PARP9: variants seen among roughly 807,000 people sequenced by gnomAD.
PARP9 encodes protein mono-ADP-ribosyltransferase PARP9.
A neutral mutation model predicts 68.8 loss-of-function variants in PARP9; 48 were observed. The observed-to-expected ratio is 0.70, with a 90% CI of 0.55 to 0.89. PARP9 has a LOEUF of 0.89. PARP9 is among the 40% of genes least tolerant of loss of function. The pLI, the probability that PARP9 is intolerant of heterozygous loss-of-function variation, is 0.00. For missense variants in PARP9, 806 were observed against 969.3 expected, an observed-to-expected ratio of 0.83 and a Z score of 2.24; for synonymous variants, 309 against 333.8, an observed-to-expected ratio of 0.93 and a Z score of 0.81.
intron 8 of PARP9, among the ~76,000 whole-genome samples, chr3:122,539,570 T>TCTTTCTTCCTTCCTTTCTTTCTTTCTTTC: frequency 7.4e-6 from 1 of 135,644 alleles, no homozygotes; most frequent in East Asian, 2.2e-4. Context: ...TTTCTTTCTT[T>TCTTTCTTCCTTCCTTTCTTTCTTTCTTTC]TTTTTTTGAG....
chr3:122,549,241 C>T (rs974412673), intron 6 of PARP9, among the ~76,000 whole-genome samples: 7 of 152,126 alleles, frequency 4.6e-5, no homozygotes, highest in African/African-American at 1.7e-4. Context: ...GTCTCAAACT[C>T]GTGACCTCAG....
rs550875819 is a variant in PARP9 at position 122,533,568 on chromosome 3, G to A, written c.2080+2600C>T. ...TAAAGAATGGGCAACAGGTGAACTC[G>A]TGAGATTATAAATTGTAAGGGCAAG... On this transcript the variant is annotated intron_variant, in intron 10 of 10. Coordinates refer to ENST00000682323, the MANE Select transcript of PARP9 (RefSeq NM_001146105.2). The A allele has an allele frequency of 1.0e-4, 57 of 545,228 alleles. 1 individual carries two copies. The highest frequency in any genetic ancestry group is 9.4e-4 in the Middle Eastern group (1 of 1,064). The allele number at this position is 545,228 out of a possible 1,614,324, so 33.8% of individuals were successfully genotyped here.
chr3:122,536,787 C>G, intron 9 of PARP9, 147 bp downstream of exon 9: 1 of 951,840 alleles, frequency 1.1e-6, no homozygotes, highest in Non-Finnish European at 1.6e-6. Flanking sequence ...CTGCCCTGCC[C>G]TGCTCTCTTT....
At chr3:122,531,620 T>A (rs2077311156) in intron 10 of PARP9, among the ~76,000 whole-genome samples, 1 of 152,126 alleles carries the variant, frequency 6.6e-6, no homozygotes, top group African/African-American at 2.4e-5. Flanking sequence ...TGTATCTATA[T>A]GTTTGTGTTT....
chr3:122,549,496 AC>A (rs2079021034), intron 6 of PARP9, among the ~76,000 whole-genome samples: 1 of 152,176 alleles, frequency 6.6e-6, no homozygotes, highest in African/African-American at 2.4e-5. Context: ...GGAGGAGAAG[AC>A]AGGCCAGGCA....
In PARP9 at chr3:122,550,805, G is replaced by A; in HGVS notation, c.1108-3C>T. 6.2e-7 allele frequency: 1 copy of A among 1,609,452 alleles called. No homozygotes were observed. The highest frequency in any genetic ancestry group is 1.1e-5 in the South Asian group (1 of 90,858). Reference sequence around the variant, plus strand: ...TCCTTCATTGCATGTTTTAATATCTGCAGGAAAACACAAATTTAAGATCAG... The same window carrying A: ...TCCTTCATTGCATGTTTTAATATCTACAGGAAAACACAAATTTAAGATCAG... On this transcript the variant is annotated splice_polypyrimidine_tract_variant and splice_region_variant and intron_variant, in intron 5 of 10. Transcript: ENST00000682323.
chr3:122,528,197 A>G lies in PARP9; in HGVS notation c.*167T>C. The G allele has an allele frequency of 2.4e-6, 2 of 827,676 alleles. No homozygotes were observed. Among genetic ancestry groups the G allele is most frequent in the Non-Finnish European group, 3.7e-6 (2 of 542,886 alleles). The allele number at this position is 827,676 out of a possible 1,614,324, so 51.3% of individuals were successfully genotyped here. A position where few individuals can be genotyped will look rare whatever the true frequency, so the allele number is the denominator to read the frequency against. On this transcript the variant is annotated 3_prime_UTR_variant, in exon 11 of 11. Transcript: ENST00000682323. ...CCCCAACCCCAAGACATAAAGACAG[A>G]TAAAGGCACTAAGATGCTAGTATGT...
Position 122,555,286 on chromosome 3 carries a change from C to T in PARP9, c.885G>A (p.Thr295=), listed in dbSNP as rs1459072509. ...CAAGAGAATAGAAACAAAGACTTAC[C>T]GTCTGCCATTCAATGTGGCCCTGGA... ...QIVQGHIEWQ[T]ADVIVNSVNP... is the part of the protein sequence containing the mutation. Residue 295 remains threonine (T), a splice_region_variant and synonymous_variant, in exon 4 of 11, where the codon ACG becomes ACA. Transcript: ENST00000682323. 23 of 1,601,996 alleles carry T rather than the reference C, an allele frequency of 1.4e-5. No individual in the cohort carries two copies. The highest frequency in any genetic ancestry group is 2.2e-5 in the East Asian group (1 of 44,766).
chr3:122,544,857 C>T (rs541919996), intron 7 of PARP9, among the ~76,000 whole-genome samples: 64 of 152,094 alleles, frequency 4.2e-4, no homozygotes, highest in African/African-American at 1.5e-3. Flanking sequence ...AAAATATGCT[C>T]GGCATCAAAA....
At chr3:122,554,375 A>G (rs1366510857) in intron 4 of PARP9, among the ~76,000 whole-genome samples, 1 of 152,224 alleles carries the variant, frequency 6.6e-6, no homozygotes, top group Non-Finnish European at 1.5e-5. Flanking sequence ...GTTGCTTCAG[A>G]AATGTTGAGA....
Position 122,556,134 on chromosome 3 carries a change from A to T in PARP9, c.50-13T>A. 4.0e-6 allele frequency: 2 copies of T among 497,604 alleles called. No individual in the cohort carries two copies. Among genetic ancestry groups the T allele is most frequent in the Non-Finnish European group, 3.3e-6 (1 of 300,292 alleles). 30.8% of individuals were successfully genotyped at this position (497,604 alleles called of 1,614,324 possible). On this transcript the variant is annotated splice_polypyrimidine_tract_variant and intron_variant, in intron 3 of 10. Coordinates refer to ENST00000682323, the MANE Select transcript of PARP9 (RefSeq NM_001146105.2). ...AGAGCACCAGTCTCTGGAAAAGAAGAGAAGATTAAAAAAAAAAAAAAAAAA... is the reference window on the plus strand; with the variant it reads ...AGAGCACCAGTCTCTGGAAAAGAAGTGAAGATTAAAAAAAAAAAAAAAAAA...
At chr3:122,564,405 C>A, upstream of PARP9, 1 of 1,596,378 alleles carries the variant, frequency 6.3e-7, no homozygotes, top group Non-Finnish European at 8.5e-7. Flanking sequence ...GGAGCCCCCG[C>A]GCCCTCCCGA....
rs577958500 is a variant in PARP9, at chr3:122,554,072, A to T, written c.885+1214T>A. Among the ~76,000 whole-genome samples the T allele has an allele frequency of 3.9e-5, 6 of 152,250 alleles. 1 individual carries two copies. The East Asian group carries it at 9.7e-4, about 24-fold the overall frequency. Reference sequence around the variant, plus strand: ...CTTAGTTGCACCTTGCATTCTCCACAGCCCCTGGCAGAGTTATATTCTGTG... The same window carrying T: ...CTTAGTTGCACCTTGCATTCTCCACTGCCCCTGGCAGAGTTATATTCTGTG... On this transcript the variant is annotated intron_variant, in intron 4 of 10. Coordinates refer to ENST00000682323, the MANE Select transcript of PARP9 (RefSeq NM_001146105.2).
intron 4 of PARP9, among the ~76,000 whole-genome samples, chr3:122,554,957 T>A (rs1399136925): frequency 6.6e-6 from 1 of 151,772 alleles, no homozygotes; most frequent in Non-Finnish European, 1.5e-5. Flanking sequence ...GCTCAAGTGA[T>A]CCTCCTGTCT....
At chr3:122,533,105 G>T (rs1157722928) in intron 10 of PARP9, 2 of 152,168 alleles carry the variant, frequency 1.3e-5, no homozygotes, top group African/African-American at 2.4e-5. Flanking sequence ...TAGGTCTGAA[G>T]GAAGATTAAC....
At position 122,537,054 on chromosome 3, in the gene PARP9, T is replaced by A; in HGVS notation, c.1785A>T (p.Gln595His). The stretch of plus-strand genomic sequence containing the variant: ...CTTTCATTTCGTCTTGGGTTTTTTG[T>A]TGCTGAATAGTCCACTGTCCTAAAA... The part of the protein sequence containing the change: ...WRSLGQWTIQ[Q>H]QKTQDEMKEN... The change falls in exon 9 of 11, where the codon CAA (glutamine) becomes CAT (histidine). Residue 595 changes from glutamine (Q) to histidine (H), a missense_variant. Gln to His is a conservative substitution (Grantham distance 24). Around this residue, in one of 2 missense-constraint regions of PARP9, gnomAD observed 680 missense variants for 858.8 expected, o/e 0.79. Coordinates refer to ENST00000682323, the MANE Select transcript of PARP9 (RefSeq NM_001146105.2). 6.2e-7 allele frequency: 1 copy of A among 1,613,520 alleles called. No homozygotes were observed. The highest frequency in any genetic ancestry group is 8.5e-7 in the Non-Finnish European group (1 of 1,179,624).
intron 3 of PARP9, among the ~76,000 whole-genome samples, chr3:122,557,140 T>G (rs2079761753): frequency 6.6e-6 from 1 of 152,152 alleles, no homozygotes; most frequent in African/African-American, 2.4e-5. Flanking sequence ...AGCCCCAGTT[T>G]AGCTGGCATT....
chr3:122,556,478 A>G (rs1030826647), intron 3 of PARP9, among the ~76,000 whole-genome samples: 1 of 152,202 alleles, frequency 6.6e-6, no homozygotes, highest in Non-Finnish European at 1.5e-5. Context: ...GAGCTTAGAA[A>G]GACCAATGCT....
Position 122,556,133 on chromosome 3 carries a change from GAGA to G in PARP9, c.50-15_50-13del, listed in dbSNP as rs770811954. On this transcript the variant is annotated splice_polypyrimidine_tract_variant and intron_variant, in intron 3 of 10. Coordinates refer to ENST00000682323, the MANE Select transcript of PARP9 (RefSeq NM_001146105.2). The stretch of plus-strand genomic sequence containing the variant: ...AAGAGCACCAGTCTCTGGAAAAGAA[GAGA>G]AGATTAAAAAAAAAAAAAAAAAAAA... The G allele has an allele frequency of 4.7e-4, 80 of 169,026 alleles. No individual in the cohort carries two copies. The highest frequency in any genetic ancestry group is 7.8e-4 in the Non-Finnish European group (74 of 94,354). 10.5% of individuals were successfully genotyped at this position (169,026 alleles called of 1,614,324 possible).
Sources: allele counts gnomAD v4.1 joint callset (sites outside exome capture counted in the v4.1 genomes callset), GRCh38; gene constraint gnomAD v4.1.1; regional missense constraint gnomAD v4.1.1; transcripts MANE v1.5; gene names NCBI Gene and HGNC (gene_info 2026-07-23, HGNC 2026-07-21).